ASIC4: variants seen among roughly 807,000 people sequenced by gnomAD.
The protein encoded by ASIC4 is acid sensing ion channel subunit family member 4.
In ASIC4, 28 loss-of-function variants were observed where a neutral mutation model predicts 53.4. The observed-to-expected ratio is 0.52, with a 90% confidence interval of 0.39 to 0.72. ASIC4 has a LOEUF of 0.72. Among genes scored for constraint, ASIC4 ranks in the 30% least tolerant of loss-of-function variants. ASIC4 has a pLI of 0.00. For missense variants in ASIC4, 649 were observed against 729.7 expected (o/e 0.89, Z 1.27); for synonymous variants, 289 against 301.4 (o/e 0.96, Z 0.43).
Position 219,515,086 on chromosome 2 carries a change from A to C in ASIC4, c.362A>C (p.Asn121Thr), listed in dbSNP as rs759781609. Residue 121 changes from asparagine (N) to threonine (T), a missense_variant, in exon 1 of 10, where the codon AAC becomes ACC. Coordinates refer to ENST00000358078, the MANE Select transcript of ASIC4 (RefSeq NM_018674.6). ...CCGGCTGTCACCCTCTGCAATATCA[A>C]CCGCTTCCGGCATTCGGCACTCAGC... ...GFPAVTLCNI[N>T]RFRHSALSDA... 2 of 1,613,798 alleles carry C rather than the reference A, an allele frequency of 1.2e-6. No individual in the cohort carries two copies. Among genetic ancestry groups the C allele is most frequent in the Non-Finnish European group, 1.7e-6 (2 of 1,179,976 alleles).
rs1695024345 is a variant in ASIC4, at chr2:219,530,409, CAG to C, written c.583-1345_583-1344del. ...AAAAGGGAGCCGGGCTTCTGTGCGG[CAG>C]AGACTGCTCATTCAAGTGTCCCTTG... On this transcript the variant is annotated intron_variant, in intron 1 of 9. Transcript: ENST00000358078. 2.6e-5 allele frequency among the ~76,000 whole-genome samples: 4 copies of C among 152,406 alleles called. No individual in the cohort carries two copies. In the South Asian group the frequency reaches 8.3e-4, roughly 32 times the overall value.
At chr2:219,522,739 G>A (rs1202595265) in intron 1 of ASIC4, among the ~76,000 whole-genome samples, 6 of 151,836 alleles carry the variant, frequency 4.0e-5, no homozygotes, top group Non-Finnish European at 7.4e-5. Flanking sequence ...CCCCCTCCCC[G>A]GCCGCCGCGG....
At chr2:219,535,971 C>T (rs543937522) in intron 6 of ASIC4, among the ~76,000 whole-genome samples, 1 of 152,098 alleles carries the variant, frequency 6.6e-6, no homozygotes, top group Non-Finnish European at 1.5e-5. Context: ...TGGGGTTTCA[C>T]CATGTTGGCC....
At chr2:219,511,739 G>A (rs942604619), upstream of ASIC4, among the ~76,000 whole-genome samples, 4 of 152,038 alleles carry the variant, frequency 2.6e-5, no homozygotes, top group African/African-American at 9.7e-5. The surrounding 1 kb of genome is among the most constrained non-coding windows in gnomAD (Gnocchi z 5.3). Flanking sequence ...GGAGGGGTGG[G>A]GGAGCTTGGG....
At chr2:219,530,392 G>C (rs1374312009) in intron 1 of ASIC4, among the ~76,000 whole-genome samples, 3 of 151,728 alleles carry the variant, frequency 2.0e-5, no homozygotes, top group Non-Finnish European at 4.4e-5. Context: ...GGAAAAGGGA[G>C]CCGGGCTTCT....
chr2:219,534,554 C>T (rs1452485743), intron 5 of ASIC4, among the ~76,000 whole-genome samples: 1 of 152,178 alleles, frequency 6.6e-6, no homozygotes, highest in Non-Finnish European at 1.5e-5. Flanking sequence ...TCTGCTGGGG[C>T]CTCCTGTTGG....
At chr2:219,523,444 A>G (rs1694918861) in intron 1 of ASIC4, among the ~76,000 whole-genome samples, 2 of 152,076 alleles carry the variant, frequency 1.3e-5, no homozygotes, top group Admixed American at 1.3e-4. Flanking sequence ...TTTACATTTG[A>G]ACAAACACCT....
chr2:219,521,622 G>T (rs1694886051), intron 1 of ASIC4, among the ~76,000 whole-genome samples: 1 of 152,182 alleles, frequency 6.6e-6, no homozygotes, highest in South Asian at 2.1e-4. Context: ...GGGTCCCATG[G>T]GCAGGCAGGA....
chr2:219,535,340 TGTG>T lies in ASIC4; in HGVS notation c.1229+18_1229+20del, dbSNP rs758233507. The T allele has an allele frequency of 8.3e-7, 1 of 1,201,432 alleles. No individual in the cohort carries two copies. Among genetic ancestry groups the T allele is most frequent in the African/African-American group, 1.8e-5 (1 of 54,756 alleles). 74.4% of individuals were successfully genotyped at this position (1,201,432 alleles called of 1,614,324 possible). ...CCTACATACGGTATGTGTGTGTGTGTGTGGGGGGTGGCTGTGTGACTCTGTGTG... is the reference window on the plus strand; with the variant it reads ...CCTACATACGGTATGTGTGTGTGTGTGGGGGTGGCTGTGTGACTCTGTGTG... On this transcript the variant is annotated intron_variant, in intron 6 of 9. Coordinates refer to ENST00000358078, the MANE Select transcript of ASIC4 (RefSeq NM_018674.6).
At chr2:219,523,784 T>G (rs1464397638) in intron 1 of ASIC4, among the ~76,000 whole-genome samples, 1 of 151,870 alleles carries the variant, frequency 6.6e-6, no homozygotes, top group Non-Finnish European at 1.5e-5. Flanking sequence ...ACATGCCTGG[T>G]GCAGTTCAAA....
upstream of ASIC4, among the ~76,000 whole-genome samples, chr2:219,513,954 GCT>G (rs1694734877): frequency 6.6e-6 from 1 of 152,166 alleles, no homozygotes; most frequent in Admixed American, 6.5e-5. Context: ...CAAACAAGTG[GCT>G]CTCTCAAGGA....
chr2:219,535,087 C>T, intron 5 of ASIC4, 84 bp from the exon 6 acceptor site: 1 of 1,530,622 alleles, frequency 6.5e-7, no homozygotes, highest in African/African-American at 1.4e-5. Flanking sequence ...CTCAGGACGG[C>T]CCCTGGGCCT....
chr2:219,535,157 C>A lies in ASIC4; in HGVS notation c.1076-14C>A. On this transcript the variant is annotated splice_polypyrimidine_tract_variant and intron_variant, in intron 5 of 9. Transcript: ENST00000358078. The stretch of plus-strand genomic sequence containing the variant: ...TCTCCAACTCCCACTGTAGCTGCTA[C>A]CTCTGTGTTGCAGACTCCCTGGGTG... The A allele has an allele frequency of 6.2e-7, 1 of 1,608,364 alleles. No individual in the cohort carries two copies. Among genetic ancestry groups the A allele is most frequent in the Non-Finnish European group, 8.5e-7 (1 of 1,176,944 alleles).
the ASIC4 span, among the ~76,000 whole-genome samples, chr2:219,508,124 ATC>A: frequency 6.6e-6 from 1 of 152,074 alleles, no homozygotes; most frequent in South Asian, 2.1e-4. Flanking sequence ...GACCTTCATT[ATC>A]TCTCTTCATG....
intron 1 of ASIC4, among the ~76,000 whole-genome samples, chr2:219,524,839 C>T (rs1373913718): frequency 6.6e-6 from 1 of 152,240 alleles, no homozygotes; most frequent in East Asian, 1.9e-4. Flanking sequence ...GTGCTTGATG[C>T]CCTGTGAGGT....
chr2:219,535,468 TG>T, intron 6 of ASIC4, 144 bp downstream of exon 6: 1 of 990,846 alleles, frequency 1.0e-6, no homozygotes, highest in Non-Finnish European at 1.4e-6. Context: ...TGTGTATGTG[TG>T]TGGGGTGTAT....
intron 1 of ASIC4, among the ~76,000 whole-genome samples, chr2:219,521,936 T>A (rs1354645956): frequency 1.3e-5 from 2 of 151,568 alleles, no homozygotes; most frequent in African/African-American, 4.9e-5. Flanking sequence ...GAAGGATGAG[T>A]GAGGATGGGA....
intron 1 of ASIC4, among the ~76,000 whole-genome samples, 166 bp from the exon 2 acceptor site, chr2:219,531,590 TAG>T (rs751014690): frequency 6.6e-6 from 1 of 152,146 alleles, no homozygotes; most frequent in Non-Finnish European, 1.5e-5. Context: ...AGGCCATCAG[TAG>T]AAAAGTTGGC....
chr2:219,531,798 A>T lies in ASIC4; in HGVS notation c.623A>T (p.Asp208Val), dbSNP rs1294255612. 1 of 1,613,018 alleles carries T rather than the reference A, an allele frequency of 6.2e-7. No individual in the cohort carries two copies. Among genetic ancestry groups the T allele is most frequent in the East Asian group, 2.2e-5 (1 of 44,856 alleles). ...GGGAAGTGTTACACCTTCAACGCGG[A>T]CCCGCGGAGCTCGCTGCCCAGCCGG... is the stretch of plus-strand genomic sequence containing the variant. Reference protein sequence around the residue: ...RYGKCYTFNADPRSSLPSRAG... With the variant: ...RYGKCYTFNAVPRSSLPSRAG... Residue 208 changes from aspartate to valine, a missense_variant, in exon 2 of 10, where the codon GAC (aspartate) becomes GTC (valine). Asp to Val is a radical substitution (Grantham distance 152). Coordinates refer to ENST00000358078, the MANE Select transcript of ASIC4 (RefSeq NM_018674.6).
Sources: gnomAD v4.1 joint callset for allele counts (sites outside exome capture counted in the v4.1 genomes callset) on GRCh38, gnomAD v4.1.1 for gene constraint, Gnocchi (gnomAD v3.1) non-coding constraint, MANE v1.5 for transcripts, NCBI Gene and HGNC (gene_info 2026-07-23, HGNC 2026-07-21) for gene names.